The following DNAH7 variants were observed in gnomAD, a reference collection of about 807,000 sequenced individuals.
The protein encoded by DNAH7 is axonemal beta dynein heavy chain 7.
Under a neutral mutation model 444.6 loss-of-function variants are expected in DNAH7, and 397 were observed. The observed-to-expected ratio is 0.89, with a 90% CI of 0.82 to 0.97. The LOEUF is 0.97. DNAH7 is among the 50% of genes least tolerant of loss of function. The pLI, the probability that DNAH7 is intolerant of heterozygous loss-of-function variation, is 0.00. For synonymous variants in DNAH7, 1,636 were observed against 1,624.4 expected, an observed-to-expected ratio of 1.01 and a Z score of -0.17; for missense variants, 4,902 against 4,800.8, an observed-to-expected ratio of 1.02 and a Z score of -0.62.
At chr2:196,027,850 G>T in intron 6 of DNAH7, 110 bp downstream of exon 6, 2 of 904,652 alleles carry the variant, frequency 2.2e-6, no homozygotes, top group Non-Finnish European at 3.3e-6. Context: ...TTATTCCTAT[G>T]TCCACAGAGT....
intron 2 of DNAH7, among the ~76,000 whole-genome samples, chr2:196,052,722 T>C (rs1697552938): frequency 6.6e-6 from 1 of 152,166 alleles, no homozygotes; most frequent in African/African-American, 2.4e-5. Context: ...CAGAGTATTC[T>C]AAGAACGTTT....
intron 15 of DNAH7, among the ~76,000 whole-genome samples, chr2:195,980,922 T>C (rs987817978): frequency 6.6e-6 from 1 of 152,130 alleles, no homozygotes. Flanking sequence ...AAGCCTTTCC[T>C]CTAAAATCTG....
Position 195,900,350 on chromosome 2 carries a change from A to G in DNAH7, c.4480T>C (p.Ser1494Pro), listed in dbSNP as rs1327442115. 1.2e-6 allele frequency: 2 copies of G among 1,613,934 alleles called. No individual in the cohort carries two copies. The highest frequency in any genetic ancestry group is 1.7e-6 in the Non-Finnish European group (2 of 1,179,948). Reference protein sequence around the residue: ...TYRLCSEQLSSQHHYDYGMRA... With the variant: ...TYRLCSEQLSPQHHYDYGMRA... Reference sequence around the variant, plus strand: ...ATTCCATAGTCGTAGTGATGTTGAGATGACAGCTGCTCTGAACACAAGCGA... The same window carrying G: ...ATTCCATAGTCGTAGTGATGTTGAGGTGACAGCTGCTCTGAACACAAGCGA... Residue 1494 changes from serine to proline, a missense_variant, in exon 28 of 65, where the codon TCT becomes CCT. Coordinates refer to ENST00000312428, the MANE Select transcript of DNAH7 (RefSeq NM_018897.3).
chr2:195,992,374 G>T (rs969456415), intron 12 of DNAH7, among the ~76,000 whole-genome samples: 80 of 152,134 alleles, frequency 5.3e-4, no homozygotes, highest in Admixed American at 3.3e-3. Context: ...CTTCACCTTT[G>T]TTTTTTTCCC....
intron 61 of DNAH7, among the ~76,000 whole-genome samples, chr2:195,769,202 T>C (rs1694727091): frequency 6.6e-6 from 1 of 152,222 alleles, no homozygotes; most frequent in East Asian, 1.9e-4. Flanking sequence ...TTCAAAGTAA[T>C]CTATGCTTGC....
chr2:195,762,768 A>G (rs1224380791), intron 61 of DNAH7, among the ~76,000 whole-genome samples: 1 of 152,178 alleles, frequency 6.6e-6, no homozygotes, highest in Non-Finnish European at 1.5e-5. Context: ...AGACACCAAT[A>G]AAAATAGTAG....
chr2:195,926,513 T>C lies in DNAH7; in HGVS notation c.3525A>G (p.Val1175=). 2 of 1,604,830 alleles carry C rather than the reference T, an allele frequency of 1.2e-6. No individual in the cohort carries two copies. The highest frequency in any genetic ancestry group is 1.1e-5 in the South Asian group (1 of 89,430). The change falls in exon 22 of 65, where the codon GTA becomes GTG. Residue 1175 remains valine, a synonymous_variant. Coordinates refer to ENST00000312428, the MANE Select transcript of DNAH7 (RefSeq NM_018897.3). The stretch of plus-strand genomic sequence containing the variant: ...GAACAGTCTGTCCAGGCCAATCCCT[T>C]ACCCAGTTAATTCGTTCATATTTTG... ...AYTKYERINW[V]RDWPGQTVLC...
At chr2:195,867,051 C>G (rs565774226) in intron 40 of DNAH7, among the ~76,000 whole-genome samples, 1 of 152,234 alleles carries the variant, frequency 6.6e-6, no homozygotes, top group South Asian at 2.1e-4. Flanking sequence ...TCCAATAAAC[C>G]TCTTTCTTTT....
chr2:195,798,404 G>A (rs1220503608), intron 55 of DNAH7, among the ~76,000 whole-genome samples: 2 of 151,928 alleles, frequency 1.3e-5, no homozygotes, highest in African/African-American at 2.4e-5. Flanking sequence ...GTACCAAATC[G>A]AAAAAATTCA....
In DNAH7 at chr2:195,992,035, AAAACACACAAC is replaced by A. The variant is rs1221264480; in HGVS notation, c.1354-3817_1354-3807del. ...GCATTACCTTACAAAAAGTTTCAAC[AAAACACACAAC>A]AACCTAGCCAGGTGAGTTGTCTTTA... On this transcript the variant is annotated intron_variant, in intron 12 of 64. Transcript: ENST00000312428. 5.3e-5 allele frequency among the ~76,000 whole-genome samples: 8 copies of A among 152,342 alleles called. No individual in the cohort carries two copies. The East Asian group carries it at 1.4e-3, about 26-fold the overall frequency.
chr2:195,950,385 T>C (rs894161977), intron 19 of DNAH7, among the ~76,000 whole-genome samples: 5 of 152,192 alleles, frequency 3.3e-5, no homozygotes, highest in Non-Finnish European at 7.3e-5. Flanking sequence ...TTTTGTAGTT[T>C]ATTTATGCAG....
At chr2:195,870,166 T>C (rs769890236) in intron 40 of DNAH7, among the ~76,000 whole-genome samples, 1 of 152,208 alleles carries the variant, frequency 6.6e-6, no homozygotes, top group Non-Finnish European at 1.5e-5. Flanking sequence ...GTGTTTTCTG[T>C]GTGCCAGGCA....
chr2:195,795,557 G>T (rs968851866), intron 56 of DNAH7, among the ~76,000 whole-genome samples: 1 of 152,210 alleles, frequency 6.6e-6, no homozygotes, highest in Non-Finnish European at 1.5e-5. Context: ...AGTTCAAAAG[G>T]CTAGAGCATG....
chr2:195,809,904 A>G (rs1351286889), intron 51 of DNAH7, 33 bp from the exon 52 acceptor site: 1 of 1,459,246 alleles, frequency 6.9e-7, no homozygotes, highest in Non-Finnish European at 9.1e-7. Context: ...GGAAATAAAT[A>G]AAAATATACT....
At chr2:195,849,083 C>T (rs1312239833) in intron 46 of DNAH7, among the ~76,000 whole-genome samples, 1 of 151,986 alleles carries the variant, frequency 6.6e-6, no homozygotes, top group African/African-American at 2.4e-5. Flanking sequence ...TTTTTTATTA[C>T]TAATTTATGT....
At chr2:195,973,294 A>G (rs961279427) in intron 15 of DNAH7, among the ~76,000 whole-genome samples, 1 of 152,136 alleles carries the variant, frequency 6.6e-6, no homozygotes, top group African/African-American at 2.4e-5. Context: ...CTGGACTACC[A>G]TTCAAGGTAA....
At chr2:195,863,322 G>A (rs1361496524) in intron 41 of DNAH7, among the ~76,000 whole-genome samples, 3 of 152,154 alleles carry the variant, frequency 2.0e-5, no homozygotes, top group Non-Finnish European at 2.9e-5. Context: ...ACCCACTCAC[G>A]GGATCTCAGT....
intron 29 of DNAH7, among the ~76,000 whole-genome samples, chr2:195,896,624 T>C (rs1423632458): frequency 6.6e-6 from 1 of 152,220 alleles, no homozygotes; most frequent in Non-Finnish European, 1.5e-5. Flanking sequence ...GTTTGCTGAA[T>C]GAATATACAA....
At chr2:195,776,053 G>C in intron 59 of DNAH7, 70 bp from the exon 60 acceptor site, 1 of 1,574,924 alleles carries the variant, frequency 6.3e-7, no homozygotes, top group Non-Finnish European at 8.6e-7. Flanking sequence ...TCACAGAAAA[G>C]AGGCAGTTTT....
Sources: gnomAD v4.1 joint callset for allele counts (sites outside exome capture counted in the v4.1 genomes callset) on GRCh38, gnomAD v4.1.1 for gene constraint, MANE v1.5 for transcripts, NCBI Gene and HGNC (gene_info 2026-07-23, HGNC 2026-07-21) for gene names.